The following FREM1 variants were observed in gnomAD, a reference collection of about 807,000 sequenced individuals.
FREM1 encodes FRAS1-related extracellular matrix protein 1.
Under a neutral mutation model 210.1 loss-of-function variants are expected in FREM1, and 220 were observed. The ratio of observed to expected loss-of-function variants is 1.05; its 90% CI spans 0.94 to 1.17. The LOEUF (loss-of-function observed/expected upper bound fraction) is 1.17. Ranked by LOEUF, FREM1 falls within the 50% of genes most tolerant of loss-of-function variation. The pLI is 0.00. For missense variants in FREM1, 3,454 were observed against 2,675.5 expected, an observed-to-expected ratio of 1.29 and a Z score of -6.42; for synonymous variants, 1,189 against 980.2, an observed-to-expected ratio of 1.21 and a Z score of -3.98.
intron 10 of FREM1, among the ~76,000 whole-genome samples, chr9:14,828,641 G>C (rs1439608588): frequency 9.6e-5 from 12 of 124,852 alleles, no homozygotes; most frequent in East Asian, 5.1e-4. Context: ...ATTGTGGCGG[G>C]GCGGGGGAGG....
At chr9:14,804,219 C>G (rs1006461480) in intron 19 of FREM1, among the ~76,000 whole-genome samples, 1 of 152,186 alleles carries the variant, frequency 6.6e-6, no homozygotes, top group Non-Finnish European at 1.5e-5. Context: ...AGCTTAAAGT[C>G]TGCTTGCCCG....
chr9:14,817,264 T>G (rs1820469163), intron 14 of FREM1, among the ~76,000 whole-genome samples: 2 of 152,156 alleles, frequency 1.3e-5, no homozygotes, highest in Admixed American at 1.3e-4. Context: ...TTTGATCTTT[T>G]TCTCCCCTTT....
At chr9:14,741,321 TG>T (rs1375442533) in intron 35 of FREM1, among the ~76,000 whole-genome samples, 1 of 152,234 alleles carries the variant, frequency 6.6e-6, no homozygotes, top group Non-Finnish European at 1.5e-5. Flanking sequence ...AGACTAGATA[TG>T]GTGAACATAA....
intron 10 of FREM1, among the ~76,000 whole-genome samples, chr9:14,829,499 G>A (rs961213498): frequency 6.6e-6 from 1 of 152,022 alleles, no homozygotes; most frequent in African/African-American, 2.4e-5. Flanking sequence ...GGGGCCCAAT[G>A]GTGTTTAGGT....
chr9:14,791,829 G>GTTT (rs1369182681), intron 22 of FREM1, among the ~76,000 whole-genome samples: 1 of 150,576 alleles, frequency 6.6e-6, no homozygotes, highest in Non-Finnish European at 1.5e-5. Flanking sequence ...GGTTTGTTTT[G>GTTT]TTTTGTTTTG....
At chr9:14,816,475 T>C (rs1312882928) in intron 15 of FREM1, among the ~76,000 whole-genome samples, 1 of 152,084 alleles carries the variant, frequency 6.6e-6, no homozygotes, top group East Asian at 1.9e-4. Flanking sequence ...TGCAACAGTG[T>C]TGGGAGGTGG....
chr9:14,886,501 G>T (rs1269435850), intron 1 of FREM1, among the ~76,000 whole-genome samples: 1 of 150,674 alleles, frequency 6.6e-6, no homozygotes, highest in African/African-American at 2.4e-5. Flanking sequence ...AGAGATTTTT[G>T]AAATCCTCAA....
chr9:14,867,196 T>A (rs1253900166), intron 2 of FREM1, among the ~76,000 whole-genome samples: 5 of 152,128 alleles, frequency 3.3e-5, no homozygotes, highest in African/African-American at 1.2e-4. Context: ...TGTAGTTGGG[T>A]CTCTATCACC....
chr9:14,828,822 C>T (rs1245231348), intron 10 of FREM1, among the ~76,000 whole-genome samples: 3 of 152,154 alleles, frequency 2.0e-5, no homozygotes, highest in African/African-American at 4.8e-5. Context: ...ACAAATGAGT[C>T]TCTCTCCCAG....
At chr9:14,743,418 T>C (rs1490403839) in intron 35 of FREM1, among the ~76,000 whole-genome samples, 3 of 152,108 alleles carry the variant, frequency 2.0e-5, no homozygotes, top group Non-Finnish European at 4.4e-5. Context: ...TAAGTTGCTA[T>C]TATTTCATAA....
chr9:14,899,395 G>A (rs1838366309), intron 1 of FREM1, among the ~76,000 whole-genome samples: 1 of 152,214 alleles, frequency 6.6e-6, no homozygotes, highest in Non-Finnish European at 1.5e-5. Context: ...GGGGTGGCCT[G>A]TGGAGAATGC....
rs779683819 is a variant in FREM1 at position 14,797,532 on chromosome 9, T to C, written c.3805A>G (p.Ile1269Val). Residue 1269 changes from isoleucine (I) to valine (V), a missense_variant, in exon 21 of 37, where the codon ATC becomes GTC. Transcript: ENST00000380880. ...KILKTISVEV[I>V]PVNDEKPMLS... ...ATTGGTTTTTCATCATTAACTGGGA[T>C]GACCTCTACTGAAATGGTTTTAAGT... The C allele has an allele frequency of 6.2e-7, 1 of 1,611,490 alleles. No individual in the cohort carries two copies. The highest frequency in any genetic ancestry group is 1.3e-5 in the African/African-American group (1 of 74,880).
At chr9:14,905,929 AC>A (rs1817620376) in intron 1 of FREM1, among the ~76,000 whole-genome samples, 1 of 152,054 alleles carries the variant, frequency 6.6e-6, no homozygotes, top group Non-Finnish European at 1.5e-5. Context: ...TAAAGTGAGA[AC>A]CAGGCTGCTG....
chr9:14,754,673 C>A (rs1843972856), intron 29 of FREM1, among the ~76,000 whole-genome samples: 2 of 152,080 alleles, frequency 1.3e-5, no homozygotes, highest in South Asian at 4.2e-4. Context: ...GTGACTCATG[C>A]CTGTAATCCC....
intron 1 of FREM1, among the ~76,000 whole-genome samples, chr9:14,869,882 C>T (rs769210398): frequency 4.6e-5 from 7 of 152,176 alleles, no homozygotes; most frequent in Admixed American, 1.3e-4. Flanking sequence ...AGCTTCAGCA[C>T]GCACAGCTAA....
chr9:14,808,381 C>G (rs1162842996), intron 16 of FREM1, among the ~76,000 whole-genome samples: 1 of 152,170 alleles, frequency 6.6e-6, no homozygotes, highest in Non-Finnish European at 1.5e-5. Context: ...TAAGGAGGGA[C>G]AAAACTGGGC....
At chr9:14,797,762 A>G in intron 20 of FREM1, 120 bp from the exon 21 acceptor site, 2 of 686,168 alleles carry the variant, frequency 2.9e-6, no homozygotes, top group Non-Finnish European at 4.7e-6. Context: ...TTATCAGTGC[A>G]GTAGGGTGAA....
intron 1 of FREM1, among the ~76,000 whole-genome samples, chr9:14,879,729 G>C: frequency 6.6e-6 from 1 of 152,146 alleles, no homozygotes; most frequent in East Asian, 1.9e-4. Context: ...ATGGAGAAAA[G>C]CATGCTTCCA....
At chr9:14,803,044 CTTT>C (rs1435012767) in intron 19 of FREM1, among the ~76,000 whole-genome samples, 1 of 125,196 alleles carries the variant, frequency 8.0e-6, no homozygotes, top group African/African-American at 3.2e-5. Flanking sequence ...TTCTTTTCTT[CTTT>C]CTCTTTCTTT....
Sources: allele counts gnomAD v4.1 joint callset (sites outside exome capture counted in the v4.1 genomes callset), GRCh38; gene constraint gnomAD v4.1.1; transcripts MANE v1.5; gene names NCBI Gene and HGNC (gene_info 2026-07-23, HGNC 2026-07-21).